Variants in CIMIP2C observed in about 807,000 individuals in gnomAD.
CIMIP2C encodes the protein UPF0573 protein C2orf70.
chr2:26,567,142 C>T, the CIMIP2C span, among the ~76,000 whole-genome samples: 6 of 152,362 alleles, frequency 3.9e-5, no homozygotes, highest in Admixed American at 3.3e-4. Flanking sequence ...TAGCCCACTA[C>T]TGCCTGCCCC....
At chr2:26,571,293 G>A in the CIMIP2C span, among the ~76,000 whole-genome samples, 1 of 152,172 alleles carries the variant, frequency 6.6e-6, no homozygotes, top group Non-Finnish European at 1.5e-5. Flanking sequence ...CCTGCCCTGG[G>A]ACTTTCCTCA....
At chr2:26,579,012 A>G in the CIMIP2C span, 11 of 523,760 alleles carry the variant, frequency 2.1e-5, no homozygotes, top group Non-Finnish European at 3.6e-5. Context: ...GGGGGATACC[A>G]CCACTGGGCC....
chr2:26,563,880 C>T, the CIMIP2C span, among the ~76,000 whole-genome samples: 4 of 152,192 alleles, frequency 2.6e-5, no homozygotes, highest in South Asian at 2.1e-4. Context: ...TTTGTGGATG[C>T]GACCTCTCTC....
the CIMIP2C span, chr2:26,562,738 C>T: frequency 1.1e-3 from 1,635 of 1,488,510 alleles, 13 homozygotes; most frequent in African/African-American, 0.015. Flanking sequence ...GCGCCCTCCT[C>T]GGTGATCGAA....
At chr2:26,573,088 T>C in the CIMIP2C span, among the ~76,000 whole-genome samples, 1 of 152,216 alleles carries the variant, frequency 6.6e-6, no homozygotes, top group Non-Finnish European at 1.5e-5. Flanking sequence ...GCCGAGGACA[T>C]TGGATTTGGC....
chr2:26,567,785 C>A, the CIMIP2C span, among the ~76,000 whole-genome samples: 31 of 152,204 alleles, frequency 2.0e-4, no homozygotes, highest in African/African-American at 5.5e-4. Flanking sequence ...TAACTATGAC[C>A]TGTGTTCGGG....
the CIMIP2C span, chr2:26,577,845 G>C: frequency 3.9e-6 from 2 of 507,988 alleles, no homozygotes; most frequent in African/African-American, 4.0e-5. Flanking sequence ...ATCAGGAAGA[G>C]TGCTTTCCCG....
the CIMIP2C span, chr2:26,579,411 A>C: frequency 6.2e-7 from 1 of 1,613,882 alleles, no homozygotes; most frequent in Non-Finnish European, 8.5e-7. Flanking sequence ...GGAAAAAGAG[A>C]GACTGCTACT....
chr2:26,571,983 A>G, the CIMIP2C span: 4 of 827,208 alleles, frequency 4.8e-6, no homozygotes, highest in African/African-American at 1.8e-5. Context: ...TAGATTTGAG[A>G]TAAGTGTTAA....
the CIMIP2C span, among the ~76,000 whole-genome samples, chr2:26,567,389 C>T: frequency 2.0e-5 from 3 of 152,238 alleles, no homozygotes; most frequent in Admixed American, 6.5e-5. Context: ...ATGTTTGCTT[C>T]ACTTTCTGCC....
the CIMIP2C span, among the ~76,000 whole-genome samples, chr2:26,569,582 A>G: frequency 6.6e-6 from 1 of 152,160 alleles, no homozygotes; most frequent in Non-Finnish European, 1.5e-5. Flanking sequence ...CTGATGGCTC[A>G]TGGTAATTAG....
chr2:26,563,049 A>C, the CIMIP2C span: 1 of 257,308 alleles, frequency 3.9e-6, no homozygotes, highest in Non-Finnish European at 7.4e-6. Flanking sequence ...CTTAGAGAAA[A>C]TGCGAGAAAA....
chr2:26,568,846 C>A, the CIMIP2C span, among the ~76,000 whole-genome samples: 3 of 151,988 alleles, frequency 2.0e-5, no homozygotes, highest in Non-Finnish European at 4.4e-5. Flanking sequence ...TATGGCAAAA[C>A]CCCGTCTCTA....
At chr2:26,576,004 G>C in the CIMIP2C span, 1 of 1,614,010 alleles carries the variant, frequency 6.2e-7, no homozygotes, top group Non-Finnish European at 8.5e-7. Flanking sequence ...CCATGGAGAA[G>C]AGCCACACTC....
chr2:26,578,748 G>A, the CIMIP2C span: 22 of 471,102 alleles, frequency 4.7e-5, no homozygotes, highest in East Asian at 6.9e-5. Context: ...TGGGGAGAGC[G>A]GGACATCTCA....
chr2:26,562,703 G>T, the CIMIP2C span: 2 of 1,556,290 alleles, frequency 1.3e-6, no homozygotes, highest in Admixed American at 1.9e-5. Flanking sequence ...CCGAGGGAGC[G>T]CCTCCTCCCC....
the CIMIP2C span, among the ~76,000 whole-genome samples, chr2:26,564,516 C>T: frequency 2.0e-5 from 3 of 152,222 alleles, no homozygotes; most frequent in Non-Finnish European, 4.4e-5. Flanking sequence ...AGCAGCTGAG[C>T]CCGTATCTGC....
the CIMIP2C span, chr2:26,562,757 C>G: frequency 2.2e-6 from 3 of 1,335,518 alleles, no homozygotes; most frequent in Non-Finnish European, 3.1e-6. Flanking sequence ...AAATTCAGCC[C>G]CCTGCCCCCG....
the CIMIP2C span, chr2:26,572,022 G>T: frequency 3.7e-5 from 49 of 1,310,376 alleles, no homozygotes; most frequent in Non-Finnish European, 4.8e-5. Context: ...AGTACAAAAA[G>T]ATCCCACTAT....
Sources: gnomAD v4.1 joint callset for allele counts (sites outside exome capture counted in the v4.1 genomes callset) on GRCh38, gnomAD v4.1.1 for gene constraint, MANE v1.5 for transcripts, NCBI Gene and HGNC (gene_info 2026-07-23, HGNC 2026-07-21) for gene names.